Variants in PRKN observed in about 807,000 individuals in gnomAD.
The protein encoded by PRKN is parkin RBR E3 ubiquitin protein ligase, also known as E3 ubiquitin-protein ligase parkin.
Under a neutral mutation model 59.5 loss-of-function variants are expected in PRKN, and 56 were observed. The observed-to-expected ratio is 0.94, with a 90% CI of 0.76 to 1.18. The LOEUF (loss-of-function observed/expected upper bound fraction) is 1.18, where lower values mean the gene tolerates loss of function less well. Ranked by LOEUF, PRKN falls within the 50% of genes most tolerant of loss-of-function variation. The probability of loss-of-function intolerance (pLI) is 0.00; values close to 1 mark genes in which losing one functional copy is unlikely to be tolerated. For synonymous variants in PRKN, 250 were observed against 222.1 expected (o/e 1.13, Z -1.12); for missense variants, 657 against 596.4 (o/e 1.10, Z -1.06).
At chr6:161,754,380 T>A (rs1273386072) in intron 7 of PRKN, among the ~76,000 whole-genome samples, 5 of 151,742 alleles carry the variant, frequency 3.3e-5, no homozygotes. Context: ...ACGACCTGGT[T>A]CCGGAGAAGT....
At chr6:161,777,460 A>G (rs887978172) in intron 7 of PRKN, among the ~76,000 whole-genome samples, 4 of 151,892 alleles carry the variant, frequency 2.6e-5, no homozygotes, top group African/African-American at 9.7e-5. Context: ...GTTTAGCTTA[A>G]GAAGTTTGAA....
chr6:162,153,738 C>T (rs1193550606), intron 4 of PRKN, among the ~76,000 whole-genome samples: 1 of 152,118 alleles, frequency 6.6e-6, no homozygotes, highest in Admixed American at 6.5e-5. Context: ...GTCAGGTTGT[C>T]TCTCTTCCTT....
intron 1 of PRKN, among the ~76,000 whole-genome samples, chr6:162,623,372 T>C (rs1782756881): frequency 6.6e-6 from 1 of 152,222 alleles, no homozygotes; most frequent in Non-Finnish European, 1.5e-5. Flanking sequence ...TGAATGTTGC[T>C]ATTATCTGCA....
chr6:161,663,273 C>T (rs1322335074), intron 7 of PRKN, among the ~76,000 whole-genome samples: 1 of 152,126 alleles, frequency 6.6e-6, no homozygotes, highest in Non-Finnish European at 1.5e-5. Context: ...AGTGCAGCAG[C>T]CTCTGGGGAG....
chr6:161,839,018 G>C (rs1198289649), intron 6 of PRKN, among the ~76,000 whole-genome samples: 1 of 152,122 alleles, frequency 6.6e-6, no homozygotes, highest in African/African-American at 2.4e-5. Flanking sequence ...GGCGAGGTGG[G>C]GGGAGGAGCA....
At chr6:162,000,652 T>C (rs1223629952) in intron 5 of PRKN, among the ~76,000 whole-genome samples, 1 of 152,112 alleles carries the variant, frequency 6.6e-6, no homozygotes, top group Non-Finnish European at 1.5e-5. Flanking sequence ...TTTTGTATTG[T>C]AATAAAATCC....
intron 7 of PRKN, among the ~76,000 whole-genome samples, chr6:161,763,918 C>A (rs1393094724): frequency 6.6e-6 from 1 of 152,120 alleles, no homozygotes; most frequent in Non-Finnish European, 1.5e-5. Flanking sequence ...TCTCCTCTTG[C>A]CCCTTTGCAA....
rs950338454 is a variant in PRKN, at chr6:161,546,751, C to T, written c.1083+2103G>A. Among the ~76,000 whole-genome samples, 2 of 151,946 alleles carry T rather than the reference C, an allele frequency of 1.3e-5. No individual in the cohort carries two copies. The highest frequency in any genetic ancestry group is 3.9e-4 in the East Asian group (2 of 5,188). ...ATGAATAAAGTGAGAGTGACAGGTG[C>T]AGCTTTGGGGATTTGGTCCTACAAG... On this transcript the variant is annotated intron_variant, in intron 9 of 11. Transcript: ENST00000366898. This position sits in a 1 kb window ranked among gnomAD's most constrained non-coding sequence, Gnocchi z 4.4.
In PRKN at chr6:161,497,791, G is replaced by C. The variant is rs1315535035; in HGVS notation, c.1083+51063C>G. Among the ~76,000 whole-genome samples, 1 of 152,140 alleles carries C rather than the reference G, an allele frequency of 6.6e-6. No homozygotes were observed. The highest frequency in any genetic ancestry group is 2.4e-5 in the African/African-American group (1 of 41,418). On this transcript the variant is annotated intron_variant, in intron 9 of 11. Transcript: ENST00000366898. The surrounding 1 kb of genome is among the most constrained non-coding windows in gnomAD (Gnocchi z 4.6). ...CTGTTGCCAAGGTGGGTGGGAAGTCGGCAGCAGGGATCAGTAGCTGTAGCT... is the reference window on the plus strand; with the variant it reads ...CTGTTGCCAAGGTGGGTGGGAAGTCCGCAGCAGGGATCAGTAGCTGTAGCT...
chr6:162,161,520 CATG>C lies in PRKN; in HGVS notation c.534+39608_534+39610del, dbSNP rs1782757898. On this transcript the variant is annotated intron_variant, in intron 4 of 11. Transcript: ENST00000366898. The stretch of plus-strand genomic sequence containing the variant: ...TGGAAGTGTGCAGCACTCTGAGTAG[CATG>C]ATGAAATCTCACGCCACCTTGCTCT... Among the ~76,000 whole-genome samples the C allele has an allele frequency of 2.0e-5, 3 of 152,186 alleles. No individual in the cohort carries two copies. The South Asian group carries it at 6.2e-4, about 32-fold the overall frequency.
rs567201882 is a variant in PRKN, at chr6:161,535,169, G to A, written c.1083+13685C>T. Among the ~76,000 whole-genome samples the A allele has an allele frequency of 3.0e-4, 45 of 152,296 alleles. 1 individual carries two copies. The South Asian group carries it at 9.3e-3, about 32-fold the overall frequency. ...CTTTCAGTTTATGGCACTACTGAAT[G>A]CAAACTCTATTTATCTGCACAACTT... On this transcript the variant is annotated intron_variant, in intron 9 of 11. Transcript: ENST00000366898.
intron 7 of PRKN, among the ~76,000 whole-genome samples, chr6:161,769,842 C>T (rs3019440): frequency 0.53 from 80,492 of 151,892 alleles, 21,615 homozygotes; most frequent in Non-Finnish European, 0.57. Context: ...CCACCTGAAA[C>T]GCCCACCCCA....
intron 2 of PRKN, among the ~76,000 whole-genome samples, chr6:162,304,489 T>TTCTATCTA (rs6149895): frequency 0.012 from 1,501 of 128,646 alleles, 38 homozygotes; most frequent in Non-Finnish European, 0.013. Flanking sequence ...ACTCATCCAG[T>TTCTATCTA]TCTATCTATC....
intron 2 of PRKN, among the ~76,000 whole-genome samples, chr6:162,437,053 T>C (rs558280023): frequency 4.0e-5 from 6 of 151,646 alleles, no homozygotes; most frequent in Non-Finnish European, 8.8e-5. Flanking sequence ...GATTGTGCCA[T>C]TGCACTCCAG....
chr6:161,652,112 A>C (rs1277344323), intron 7 of PRKN, among the ~76,000 whole-genome samples: 1 of 152,230 alleles, frequency 6.6e-6, no homozygotes, highest in Non-Finnish European at 1.5e-5. Flanking sequence ...GTAAGGTTTC[A>C]TAGTGCAGCA....
chr6:161,895,376 G>A (rs2072519418), intron 6 of PRKN, among the ~76,000 whole-genome samples: 1 of 152,192 alleles, frequency 6.6e-6, no homozygotes, highest in Non-Finnish European at 1.5e-5. Flanking sequence ...ACCGTGGCTG[G>A]ACTTGCTTGC....
rs35025497 is a variant in PRKN, at chr6:162,216,536, CAAAAAAAAAAA to C, written c.413-15295_413-15285del. ...TGGGCGACAGAGCGAGACTCCGTCT[CAAAAAAAAAAA>C]AAAAAAAAAAAAAAAAACCCAGTTT... On this transcript the variant is annotated intron_variant, in intron 3 of 11. Transcript: ENST00000366898. Among the ~76,000 whole-genome samples, 14 of 34,974 alleles carry C rather than the reference CAAAAAAAAAAA, an allele frequency of 4.0e-4. No homozygotes were observed. In the East Asian group the frequency reaches 6.5e-3, roughly 16 times the overall value. 22.9% of individuals were successfully genotyped at this position (34,974 alleles called of 152,430 possible).
intron 1 of PRKN, among the ~76,000 whole-genome samples, chr6:162,549,674 T>G (rs975540859): frequency 6.0e-5 from 9 of 150,788 alleles, no homozygotes; most frequent in African/African-American, 2.2e-4. Context: ...AGTCTTGCTC[T>G]GTGGCCCAGG....
chr6:161,706,445 C>A (rs111692929), intron 7 of PRKN, among the ~76,000 whole-genome samples: 2,427 of 152,338 alleles, frequency 0.016, 72 homozygotes, highest in African/African-American at 0.056. Flanking sequence ...CACTGTCAAG[C>A]TTTGCTTCAC....
Sources: allele counts gnomAD v4.1 joint callset (sites outside exome capture counted in the v4.1 genomes callset), GRCh38; gene constraint gnomAD v4.1.1; non-coding constraint Gnocchi (gnomAD v3.1); transcripts MANE v1.5; gene names NCBI Gene and HGNC (gene_info 2026-07-23, HGNC 2026-07-21).